The following ZNF704 variants were observed in gnomAD, a reference collection of about 807,000 sequenced individuals.
ZNF704 encodes the protein glucocorticoid induced gene 1.
Under a neutral mutation model 44.7 loss-of-function variants are expected in ZNF704, and 10 were observed. That is an observed-to-expected ratio of 0.22 (90% CI 0.14 to 0.38). The LOEUF is 0.38. Among genes scored for constraint, ZNF704 ranks in the 10% least tolerant of loss-of-function variants. The probability of loss-of-function intolerance (pLI) is 1.00; values close to 1 mark genes in which losing one functional copy is unlikely to be tolerated. For missense variants in ZNF704, 390 were observed against 545.5 expected (o/e 0.71, Z 2.84); for synonymous variants, 211 against 207.6 (o/e 1.02, Z -0.14).
chr8:80,860,483 T>C (rs547603033), intron 1 of ZNF704, among the ~76,000 whole-genome samples: 1 of 152,342 alleles, frequency 6.6e-6, no homozygotes, highest in South Asian at 2.1e-4. Flanking sequence ...CTATAATGTG[T>C]TGGTCTTTCT....
chr8:80,686,620 T>G (rs1049092097), intron 4 of ZNF704, among the ~76,000 whole-genome samples: 3 of 152,094 alleles, frequency 2.0e-5, no homozygotes, highest in Non-Finnish European at 4.4e-5. Flanking sequence ...CTCCAACTCC[T>G]GGTCTCAAGC....
In ZNF704 at chr8:80,841,063, G is replaced by C. The variant is rs543419431; in HGVS notation, c.-21-19448C>G. Reference sequence around the variant, plus strand: ...AGAAGTCCAACCACATCACAAGTCTGAGCTAGCAAGAATACCCCGCACTGC... The same window carrying C: ...AGAAGTCCAACCACATCACAAGTCTCAGCTAGCAAGAATACCCCGCACTGC... On this transcript the variant is annotated intron_variant, in intron 1 of 8. Transcript: ENST00000327835. Among the ~76,000 whole-genome samples, 7 of 152,308 alleles carry C rather than the reference G, an allele frequency of 4.6e-5. No individual in the cohort carries two copies. In the East Asian group the frequency reaches 1.3e-3, roughly 29 times the overall value.
intron 4 of ZNF704, among the ~76,000 whole-genome samples, chr8:80,674,205 A>G (rs927603375): frequency 3.3e-4 from 51 of 152,320 alleles, no homozygotes; most frequent in Middle Eastern, 3.4e-3. Context: ...AACACATGAA[A>G]TGTAAGATGC....
chr8:80,811,940 G>A (rs562444816), intron 2 of ZNF704, among the ~76,000 whole-genome samples: 1 of 152,218 alleles, frequency 6.6e-6, no homozygotes, highest in East Asian at 1.9e-4. Flanking sequence ...TGTGAACTGC[G>A]CATGTGAGGT....
chr8:80,784,747 G>A (rs557119294), intron 2 of ZNF704, among the ~76,000 whole-genome samples: 4 of 152,200 alleles, frequency 2.6e-5, no homozygotes, highest in Admixed American at 6.5e-5. Flanking sequence ...TAATTTTGAC[G>A]AAGTACAGCT....
chr8:80,685,862 CTT>C (rs1269043172), intron 4 of ZNF704, among the ~76,000 whole-genome samples: 2 of 152,202 alleles, frequency 1.3e-5, no homozygotes, highest in Non-Finnish European at 2.9e-5. Context: ...TTGTTTTCCT[CTT>C]TGAAATGAAT....
intron 2 of ZNF704, among the ~76,000 whole-genome samples, chr8:80,760,329 T>C (rs1394925572): frequency 6.6e-6 from 1 of 152,156 alleles, no homozygotes; most frequent in Non-Finnish European, 1.5e-5. Context: ...ATGGATGGGA[T>C]AAGCACCTGT....
rs536574966 is a variant in ZNF704, at chr8:80,778,356, C to G, written c.221+43018G>C. Among the ~76,000 whole-genome samples, 53 of 152,202 alleles carry G rather than the reference C, an allele frequency of 3.5e-4. 1 individual carries two copies. The South Asian group carries it at 0.011, about 31-fold the overall frequency. ...CTATTACTAGAAAGTCAAAAAATAA[C>G]AGATGCTGGTTGGGTTGCAGAGAAA... On this transcript the variant is annotated intron_variant, in intron 2 of 8. Coordinates refer to ENST00000327835, the MANE Select transcript of ZNF704 (RefSeq NM_001033723.3).
chr8:80,762,037 T>A (rs1388995009), intron 2 of ZNF704, among the ~76,000 whole-genome samples: 1 of 152,248 alleles, frequency 6.6e-6, no homozygotes, highest in Non-Finnish European at 1.5e-5. Flanking sequence ...GAAGTTTCAA[T>A]ATTTCTACAT....
At chr8:80,861,919 C>T (rs773479927) in intron 1 of ZNF704, among the ~76,000 whole-genome samples, 25 of 150,526 alleles carry the variant, frequency 1.7e-4, no homozygotes, top group Non-Finnish European at 3.1e-4. Flanking sequence ...CTCAGTAATA[C>T]ACCACTATCC....
At chr8:80,870,320 G>A (rs1013383251) in intron 1 of ZNF704, among the ~76,000 whole-genome samples, 1 of 152,074 alleles carries the variant, frequency 6.6e-6, no homozygotes, top group Non-Finnish European at 1.5e-5. Context: ...CTAGGCCATA[G>A]GCCTTCCAGC....
At chr8:80,734,872 A>T (rs759244330) in intron 2 of ZNF704, among the ~76,000 whole-genome samples, 6 of 152,254 alleles carry the variant, frequency 3.9e-5, no homozygotes, top group Non-Finnish European at 8.8e-5. Context: ...ATCCCTTAAA[A>T]GGAGAGTATG....
chr8:80,878,602 C>G (rs1318668162), upstream of ZNF704, among the ~76,000 whole-genome samples: 1 of 152,122 alleles, frequency 6.6e-6, no homozygotes, highest in East Asian at 1.9e-4. Context: ...TTCTGGGAAA[C>G]TTAAAAATGA....
chr8:80,789,582 T>C (rs1456834037), intron 2 of ZNF704, among the ~76,000 whole-genome samples: 1 of 152,096 alleles, frequency 6.6e-6, no homozygotes, highest in Non-Finnish European at 1.5e-5. Context: ...ACCCTGTCTC[T>C]ACAAAATTGT....
intron 7 of ZNF704, among the ~76,000 whole-genome samples, chr8:80,643,730 A>G (rs901431736): frequency 6.6e-5 from 10 of 152,154 alleles, no homozygotes; most frequent in African/African-American, 2.2e-4. Context: ...TTTCACTTGA[A>G]TAATATTTTA....
intron 1 of ZNF704, among the ~76,000 whole-genome samples, chr8:80,849,568 A>G (rs148952804): frequency 7.2e-4 from 109 of 152,358 alleles, no homozygotes; most frequent in African/African-American, 2.4e-3. Flanking sequence ...AGGCATTGCT[A>G]TAATACTCAG....
chr8:80,775,950 G>A (rs1407474272), intron 2 of ZNF704, among the ~76,000 whole-genome samples: 1 of 152,130 alleles, frequency 6.6e-6, no homozygotes, highest in Admixed American at 6.5e-5. Context: ...CATAAAGTGG[G>A]CTTTAAAATT....
In ZNF704 at chr8:80,874,286, CG is replaced by C. The variant is rs1375415845; in HGVS notation, c.-22+284del. 2.1e-5 allele frequency among the ~76,000 whole-genome samples: 3 copies of C among 144,076 alleles called. No homozygotes were observed. Among genetic ancestry groups the C allele is most frequent in the African/African-American group, 5.0e-5 (2 of 39,934 alleles). The allele number at this position is 144,076 out of a possible 152,430, so 94.5% of individuals were successfully genotyped here. A position where few individuals can be genotyped will look rare whatever the true frequency, so the allele number is the denominator to read the frequency against. ...GGCGGGGCGGCGCGGCGGCCGCGGGCGGGGGTGGGTGTGAGCGAGCGGCGCG... is the reference window on the plus strand; with the variant it reads ...GGCGGGGCGGCGCGGCGGCCGCGGGCGGGGTGGGTGTGAGCGAGCGGCGCG... On this transcript the variant is annotated intron_variant, in intron 1 of 8. Coordinates refer to ENST00000327835, the MANE Select transcript of ZNF704 (RefSeq NM_001033723.3). The surrounding 1 kb of genome is among the most constrained non-coding windows in gnomAD (Gnocchi z 4.4).
intron 7 of ZNF704, among the ~76,000 whole-genome samples, chr8:80,651,044 G>C (rs930923743): frequency 2.6e-5 from 4 of 152,206 alleles, no homozygotes; most frequent in African/African-American, 9.7e-5. Flanking sequence ...TTTCAACCCA[G>C]AAGTTCATAT....
Sources: allele counts gnomAD v4.1 joint callset (sites outside exome capture counted in the v4.1 genomes callset), GRCh38; gene constraint gnomAD v4.1.1; non-coding constraint Gnocchi (gnomAD v3.1); transcripts MANE v1.5; gene names NCBI Gene and HGNC (gene_info 2026-07-23, HGNC 2026-07-21).